FAF1: variants seen among roughly 807,000 people sequenced by gnomAD.
The protein encoded by FAF1 is FAS-associated factor 1.
FAF1 carries 25 observed loss-of-function variants against 92.5 expected under a neutral mutation model. The observed-to-expected ratio is 0.27, with a 90% confidence interval of 0.20 to 0.38. The LOEUF is 0.38. FAF1 is among the 10% of genes least tolerant of loss of function. The pLI is 1.00. For synonymous variants in FAF1, 234 were observed against 273.2 expected (o/e 0.86, Z 1.42); for missense variants, 636 against 793.3 (o/e 0.80, Z 2.38).
intron 18 of FAF1, among the ~76,000 whole-genome samples, chr1:50,445,949 TAGC>T (rs1223844052): frequency 2.0e-5 from 3 of 152,214 alleles, no homozygotes; most frequent in African/African-American, 7.2e-5. Flanking sequence ...TCAATTTTCT[TAGC>T]AGACTGAAAT....
intron 18 of FAF1, among the ~76,000 whole-genome samples, chr1:50,453,181 T>C (rs911297541): frequency 4.6e-5 from 7 of 152,208 alleles, no homozygotes; most frequent in African/African-American, 1.7e-4. Context: ...AAATACCTTA[T>C]TAGGTTATCA....
At position 50,721,435 on chromosome 1, in the gene FAF1, G is replaced by A. The variant is rs192422701; in HGVS notation, c.552-15544C>T. Reference sequence around the variant, plus strand: ...TCACCATATTGGCCAGGATGATCTCGATCTCACGACCTCAGGATCCGCCTG... The same window carrying A: ...TCACCATATTGGCCAGGATGATCTCAATCTCACGACCTCAGGATCCGCCTG... On this transcript the variant is annotated intron_variant, in intron 6 of 18. Coordinates refer to ENST00000396153, the MANE Select transcript of FAF1 (RefSeq NM_007051.3). Among the ~76,000 whole-genome samples the A allele has an allele frequency of 2.1e-3, 316 of 151,890 alleles. 3 individuals are homozygous for A. Among genetic ancestry groups the A allele is most frequent in the African/African-American group, 7.5e-3 (311 of 41,434 alleles).
chr1:50,641,938 C>G (rs1654350538), intron 8 of FAF1, among the ~76,000 whole-genome samples: 1 of 151,896 alleles, frequency 6.6e-6, no homozygotes, highest in South Asian at 2.1e-4. Context: ...CGCGGGGGCT[C>G]ATGCTTGTAA....
In FAF1 at chr1:50,780,692, G is replaced by A. The variant is rs1661144017; in HGVS notation, c.367+7308C>T. The A allele has an allele frequency of 1.8e-5, 5 of 272,212 alleles. No individual in the cohort carries two copies. In the South Asian group the frequency reaches 1.9e-4, roughly 10 times the overall value. 16.9% of individuals were successfully genotyped at this position (272,212 alleles called of 1,614,324 possible). ...GAGAGGACTATGATGAGCATGTGCT[G>A]CCACCTATCATCACAGAAATCCTCA... On this transcript the variant is annotated intron_variant, in intron 4 of 18. Transcript: ENST00000396153.
At chr1:50,841,802 A>C (rs1034304205) in intron 2 of FAF1, among the ~76,000 whole-genome samples, 6 of 152,096 alleles carry the variant, frequency 3.9e-5, no homozygotes, top group African/African-American at 1.4e-4. Flanking sequence ...CATATGGGGC[A>C]TAAAATTTTA....
intron 1 of FAF1, among the ~76,000 whole-genome samples, chr1:50,878,411 C>A (rs912239661): frequency 2.0e-5 from 3 of 152,222 alleles, no homozygotes; most frequent in Admixed American, 1.3e-4. Flanking sequence ...AGGTAACTCA[C>A]AACCTTTTGA....
chr1:50,574,128 A>G (rs1028104644), intron 12 of FAF1, among the ~76,000 whole-genome samples: 1 of 152,246 alleles, frequency 6.6e-6, no homozygotes, highest in African/African-American at 2.4e-5. Context: ...TCTGTCTAAA[A>G]AAAGAAAAGC....
rs1317527815 is a variant in FAF1, at chr1:50,595,906, TC to T, written c.840+214del. Among the ~76,000 whole-genome samples, 4 of 152,128 alleles carry T rather than the reference TC, an allele frequency of 2.6e-5. No individual in the cohort carries two copies. In the East Asian group the frequency reaches 7.7e-4, roughly 29 times the overall value. On this transcript the variant is annotated intron_variant, in intron 9 of 18. Transcript: ENST00000396153. ...ATCATTTCAACCAATCCATCTGAAT[TC>T]CGTCTGTTGAAACATGAAACTAACA...
chr1:50,793,248 A>C (rs1661628507), intron 3 of FAF1, among the ~76,000 whole-genome samples: 1 of 152,234 alleles, frequency 6.6e-6, no homozygotes. Flanking sequence ...ACAGTGCCAC[A>C]GGTACTTATT....
chr1:50,716,851 C>T (rs936493367), intron 6 of FAF1, among the ~76,000 whole-genome samples: 16 of 152,186 alleles, frequency 1.1e-4, no homozygotes, highest in Admixed American at 3.9e-4. Context: ...CCAGCAGTGG[C>T]GACCCACTCG....
intron 2 of FAF1, among the ~76,000 whole-genome samples, chr1:50,809,565 T>C (rs778811260): frequency 2.0e-5 from 3 of 152,032 alleles, no homozygotes; most frequent in Non-Finnish European, 4.4e-5. Context: ...GATTGGATCA[T>C]GAAGAAACTG....
intron 2 of FAF1, among the ~76,000 whole-genome samples, chr1:50,842,800 A>G (rs1161472244): frequency 6.6e-6 from 1 of 152,112 alleles, no homozygotes; most frequent in Non-Finnish European, 1.5e-5. Flanking sequence ...CTATTCTATT[A>G]TTCTATTTGG....
intron 1 of FAF1, among the ~76,000 whole-genome samples, chr1:50,903,292 C>T (rs1463959536): frequency 6.6e-6 from 1 of 152,174 alleles, no homozygotes; most frequent in Non-Finnish European, 1.5e-5. Context: ...TACCCTCTAA[C>T]CCTCGAAAGA....
At chr1:50,500,223 ATAAC>A (rs1646967589) in intron 15 of FAF1, among the ~76,000 whole-genome samples, 1 of 152,176 alleles carries the variant, frequency 6.6e-6, no homozygotes, top group Non-Finnish European at 1.5e-5. Context: ...AAAAAATAAA[ATAAC>A]TAAATTAGAG....
At chr1:50,646,653 A>C (rs999414600) in intron 8 of FAF1, among the ~76,000 whole-genome samples, 6 of 152,176 alleles carry the variant, frequency 3.9e-5, no homozygotes, top group African/African-American at 1.2e-4. Flanking sequence ...AACTGTTAGC[A>C]AAATTGGTTG....
intron 1 of FAF1, among the ~76,000 whole-genome samples, chr1:50,933,554 A>G (rs1027889595): frequency 2.6e-5 from 4 of 152,196 alleles, no homozygotes; most frequent in African/African-American, 9.7e-5. Flanking sequence ...ACAAGTCTCT[A>G]GGAGGTTCCA....
At chr1:50,865,067 G>A (rs1644468844) in intron 1 of FAF1, among the ~76,000 whole-genome samples, 1 of 152,146 alleles carries the variant, frequency 6.6e-6, no homozygotes. Flanking sequence ...CATTTATGCA[G>A]CCAAAAAACA....
intron 1 of FAF1, among the ~76,000 whole-genome samples, chr1:50,950,794 A>G (rs1645208163): frequency 6.6e-6 from 1 of 152,250 alleles, no homozygotes. Flanking sequence ...GATCTACTAC[A>G]TGACAGCCAA....
At chr1:50,522,924 A>G (rs1365820532) in intron 15 of FAF1, among the ~76,000 whole-genome samples, 1 of 152,114 alleles carries the variant, frequency 6.6e-6, no homozygotes, top group Non-Finnish European at 1.5e-5. Context: ...AATTTACCCT[A>G]CATCTTTAGT....
Sources: gnomAD v4.1 joint callset for allele counts (sites outside exome capture counted in the v4.1 genomes callset) on GRCh38, gnomAD v4.1.1 for gene constraint, MANE v1.5 for transcripts, NCBI Gene and HGNC (gene_info 2026-07-23, HGNC 2026-07-21) for gene names.